The following PIP5K1C variants were observed in gnomAD, a reference collection of about 807,000 sequenced individuals.
PIP5K1C encodes the protein phosphatidylinositol 4-phosphate 5-kinase type-1 gamma.
A neutral mutation model predicts 80.1 loss-of-function variants in PIP5K1C; 45 were observed. The observed-to-expected ratio is 0.56, with a 90% CI of 0.44 to 0.72. PIP5K1C has a LOEUF of 0.72. Ranked by LOEUF, PIP5K1C falls within the 30% of genes least tolerant of loss-of-function variation. The pLI is 0.00. For synonymous variants in PIP5K1C, 498 were observed against 420.1 expected (o/e 1.19, Z -2.27); for missense variants, 753 against 954.6 (o/e 0.79, Z 2.78).
At chr19:3,672,860 G>A (rs970650890) in intron 1 of PIP5K1C, among the ~76,000 whole-genome samples, 1 of 151,974 alleles carries the variant, frequency 6.6e-6, no homozygotes, top group Non-Finnish European at 1.5e-5. Flanking sequence ...AGACCCCCAT[G>A]GCTGGGAGGA....
At chr19:3,677,107 T>G (rs924884915) in intron 1 of PIP5K1C, among the ~76,000 whole-genome samples, 3 of 150,580 alleles carry the variant, frequency 2.0e-5, no homozygotes, top group Non-Finnish European at 4.4e-5. Flanking sequence ...GTCTTAAAAT[T>G]AAAATAAAAT....
At chr19:3,678,012 G>T (rs1367194313) in intron 1 of PIP5K1C, among the ~76,000 whole-genome samples, 2 of 98,056 alleles carry the variant, frequency 2.0e-5, no homozygotes, top group Non-Finnish European at 4.4e-5. Context: ...GACAGATGGA[G>T]GGATGGAGAG....
Position 3,630,516 on chromosome 19 carries a change from G to C in PIP5K1C, c.*2651C>G, listed in dbSNP as rs769364298. On this transcript the variant is annotated 3_prime_UTR_variant, in exon 18 of 18. Transcript: ENST00000335312. ...GCGGAGCGATTGAACCACCGGAGAT[G>C]AGGAGGAGGTGGCAGGCGCCTCTCC... 6.6e-5 allele frequency: 10 copies of C among 152,514 alleles called. No homozygotes were observed. Among genetic ancestry groups the C allele is most frequent in the Admixed American group, 5.9e-4 (9 of 15,234 alleles). The allele number at this position is 152,514 out of a possible 1,614,324, so 9.4% of individuals were successfully genotyped here.
intron 15 of PIP5K1C, among the ~76,000 whole-genome samples, chr19:3,640,091 T>A (rs2033899092): frequency 6.6e-6 from 1 of 152,240 alleles, no homozygotes; most frequent in South Asian, 2.1e-4. Flanking sequence ...TACGCTGCTG[T>A]GAGCGCTAAA....
rs1278572343 is a variant in PIP5K1C, at chr19:3,631,810, G to GC, written c.*1356dup. ...AGAGCCCTGCCTGGGAGGTTCTCCG[G>GC]CCGTCTCAGACCCCACACCAGGCTC... On this transcript the variant is annotated 3_prime_UTR_variant, in exon 18 of 18. Transcript: ENST00000335312. The GC allele has an allele frequency of 1.3e-5, 2 of 152,268 alleles. No homozygotes were observed. The highest frequency in any genetic ancestry group is 6.5e-5 in the Admixed American group (1 of 15,278). 9.4% of individuals were successfully genotyped at this position (152,268 alleles called of 1,614,324 possible). A position where few individuals can be genotyped will look rare whatever the true frequency, so the allele number is the denominator to read the frequency against.
At chr19:3,693,553 CAT>C (rs983422333) in intron 1 of PIP5K1C, among the ~76,000 whole-genome samples, 3 of 152,226 alleles carry the variant, frequency 2.0e-5, no homozygotes, top group African/African-American at 7.2e-5. Context: ...CGTGAAGGGA[CAT>C]GCTGCCGGGG....
chr19:3,660,273 G>A (rs866331998), intron 5 of PIP5K1C, among the ~76,000 whole-genome samples: 17 of 150,810 alleles, frequency 1.1e-4, no homozygotes, highest in African/African-American at 3.9e-4. Flanking sequence ...CCAGCTACTC[G>A]GGAAGCTGAG....
rs1234446069 is a variant in PIP5K1C, at chr19:3,641,705, C to A, written c.1787G>T (p.Gly596Val). The A allele has an allele frequency of 6.2e-7, 1 of 1,606,338 alleles. No homozygotes were observed. The highest frequency in any genetic ancestry group is 8.5e-7 in the Non-Finnish European group (1 of 1,179,564). ...EIVVPKEEDA[G>V]VEASPAGASA... Reference sequence around the variant, plus strand: ...GACCTCCCGCCGAGGCCGTGCTCACCCTGCGTCCTCCTCTTTGGGGACCAC... The same window carrying A: ...GACCTCCCGCCGAGGCCGTGCTCACACTGCGTCCTCCTCTTTGGGGACCAC... The change falls in exon 15 of 18, where the codon GGG becomes GTG. Residue 596 changes from glycine (G) to valine (V), a missense_variant and splice_region_variant. Transcript: ENST00000335312.
At chr19:3,643,069 T>G in intron 13 of PIP5K1C, 130 bp from the exon 14 acceptor site, 1 of 1,454,920 alleles carries the variant, frequency 6.9e-7, no homozygotes, top group Admixed American at 1.7e-5. Context: ...TGCTCCTCCC[T>G]CCCACACATT....
Position 3,634,205 on chromosome 19 carries a change from C to T in PIP5K1C, c.1921-685G>A, listed in dbSNP as rs759564524. On this transcript the variant is annotated intron_variant, in intron 16 of 17. Coordinates refer to ENST00000335312, the MANE Select transcript of PIP5K1C (RefSeq NM_012398.3). ...GGACAGCTCTTCCCAGCTGTGCCTGCGTGAGGGGTCCCAGGTCTGGGTGGG... is the reference window on the plus strand; with the variant it reads ...GGACAGCTCTTCCCAGCTGTGCCTGTGTGAGGGGTCCCAGGTCTGGGTGGG... Among the ~76,000 whole-genome samples, 92 of 145,206 alleles carry T rather than the reference C, an allele frequency of 6.3e-4. 1 individual carries two copies. Among genetic ancestry groups the T allele is most frequent in the Admixed American group, 2.0e-4 (3 of 14,722 alleles).
chr19:3,637,324 G>A lies in PIP5K1C; in HGVS notation c.1920+1560C>T, dbSNP rs1029165240. On this transcript the variant is annotated intron_variant, in intron 16 of 17. Transcript: ENST00000335312. The surrounding 1 kb of genome is among the most constrained non-coding windows in gnomAD (Gnocchi z 7.0). ...TGCCCTATGGAGCGCCCGGTTCGAC[G>A]TGGGACCGAATGACATTCCCAGTGA... The A allele has an allele frequency of 1.6e-5, 25 of 1,530,198 alleles. No individual in the cohort carries two copies. Among genetic ancestry groups the A allele is most frequent in the African/African-American group, 5.5e-5 (4 of 72,984 alleles). The allele number at this position is 1,530,198 out of a possible 1,614,324, so 94.8% of individuals were successfully genotyped here.
chr19:3,633,108 C>G lies in PIP5K1C; in HGVS notation c.*59G>C. ...TGGGCCTCAGCGGGGTGGGCAGCGC[C>G]TTCGGGGGCAGCCGGAGCAGAAGTG... On this transcript the variant is annotated 3_prime_UTR_variant, in exon 18 of 18. Transcript: ENST00000335312. 1 of 735,562 alleles carries G rather than the reference C, an allele frequency of 1.4e-6. No individual in the cohort carries two copies. The highest frequency in any genetic ancestry group is 1.9e-5 in the Admixed American group (1 of 51,906). 45.6% of individuals were successfully genotyped at this position (735,562 alleles called of 1,614,324 possible).
chr19:3,683,675 G>A (rs111551055), intron 1 of PIP5K1C, among the ~76,000 whole-genome samples: 6 of 152,322 alleles, frequency 3.9e-5, no homozygotes, highest in African/African-American at 1.4e-4. Flanking sequence ...TCAGGCCCCA[G>A]TCTGCGTCAC....
In PIP5K1C at chr19:3,632,766, T is replaced by G. The variant is rs2145356103; in HGVS notation, c.*401A>C. Reference sequence around the variant, plus strand: ...TCCCCAGAGGCCACCGCGAACAGCCTGGCTTCTTCCTCAGGACACAGGCAG... The same window carrying G: ...TCCCCAGAGGCCACCGCGAACAGCCGGGCTTCTTCCTCAGGACACAGGCAG... On this transcript the variant is annotated 3_prime_UTR_variant, in exon 18 of 18. Transcript: ENST00000335312. 5.3e-6 allele frequency: 1 copy of G among 188,034 alleles called. No homozygotes were observed. Among genetic ancestry groups the G allele is most frequent in the Non-Finnish European group, 1.1e-5 (1 of 92,244 alleles). 11.6% of individuals were successfully genotyped at this position (188,034 alleles called of 1,614,324 possible).
chr19:3,680,942 C>T (rs548085109), intron 1 of PIP5K1C, among the ~76,000 whole-genome samples: 122 of 152,282 alleles, frequency 8.0e-4, no homozygotes, highest in African/African-American at 2.9e-3. Context: ...TAGGCGGAGG[C>T]CAGCGACACT....
At chr19:3,657,302 AG>A (rs1349512719) in intron 5 of PIP5K1C, among the ~76,000 whole-genome samples, 3 of 152,210 alleles carry the variant, frequency 2.0e-5, no homozygotes, top group African/African-American at 7.2e-5. Context: ...CTGACTCGAC[AG>A]GTGCTCGATT....
At chr19:3,660,566 C>T (rs540368686) in intron 5 of PIP5K1C, among the ~76,000 whole-genome samples, 74 of 152,330 alleles carry the variant, frequency 4.9e-4, no homozygotes, top group Non-Finnish European at 9.0e-4. Flanking sequence ...CGACTCTACG[C>T]TGGTCCCCAG....
At chr19:3,655,946 C>G (rs1196581410) in intron 6 of PIP5K1C, among the ~76,000 whole-genome samples, 2 of 152,248 alleles carry the variant, frequency 1.3e-5, no homozygotes, top group Non-Finnish European at 2.9e-5. Flanking sequence ...CCGGATGGAG[C>G]TGCCTCACGC....
At chr19:3,643,912 T>C (rs888664435) in intron 12 of PIP5K1C, among the ~76,000 whole-genome samples, 175 bp downstream of exon 12, 3 of 152,118 alleles carry the variant, frequency 2.0e-5, no homozygotes, top group Admixed American at 6.5e-5. Flanking sequence ...CAGCTCCCCC[T>C]GGGCTCTTCC....
Sources: gnomAD v4.1 joint callset for allele counts (sites outside exome capture counted in the v4.1 genomes callset) on GRCh38, gnomAD v4.1.1 for gene constraint, Gnocchi (gnomAD v3.1) non-coding constraint, MANE v1.5 for transcripts, NCBI Gene and HGNC (gene_info 2026-07-23, HGNC 2026-07-21) for gene names.